The following FRMD5 variants were observed in gnomAD, a reference collection of about 807,000 sequenced individuals.
FRMD5 encodes FERM domain containing 5.
A neutral mutation model predicts 69.0 loss-of-function variants in FRMD5; 20 were observed. The ratio of observed to expected loss-of-function variants is 0.29; its 90% CI spans 0.20 to 0.42. The LOEUF is 0.42. Ranked by LOEUF, FRMD5 falls within the 10% of genes least tolerant of loss-of-function variation. The probability of loss-of-function intolerance (pLI) is 1.00; values close to 1 mark genes in which losing one functional copy is unlikely to be tolerated. For synonymous variants in FRMD5, 271 were observed against 260.1 expected, an observed-to-expected ratio of 1.04 and a Z score of -0.40; for missense variants, 595 against 708.6, an observed-to-expected ratio of 0.84 and a Z score of 1.82.
chr15:44,089,414 T>C (rs1473841137), intron 1 of FRMD5, among the ~76,000 whole-genome samples: 1 of 151,936 alleles, frequency 6.6e-6, no homozygotes, highest in African/African-American at 2.4e-5. Context: ...CTTTAAAAAG[T>C]TTTTCAGGGC....
chr15:44,037,125 A>G (rs1037673524), intron 1 of FRMD5, among the ~76,000 whole-genome samples: 2 of 151,910 alleles, frequency 1.3e-5, no homozygotes, highest in African/African-American at 4.8e-5. Context: ...TCCTAATGCT[A>G]TCCCTCCCCT....
chr15:44,150,674 G>A (rs2077430064), intron 1 of FRMD5, among the ~76,000 whole-genome samples: 1 of 150,872 alleles, frequency 6.6e-6, no homozygotes, highest in African/African-American at 2.4e-5. Flanking sequence ...TATGCCTGTG[G>A]TCCCAGCTAC....
At chr15:43,890,208 C>T (rs1411572931) in intron 8 of FRMD5, among the ~76,000 whole-genome samples, 1 of 152,168 alleles carries the variant, frequency 6.6e-6, no homozygotes. Context: ...CACAGATCAC[C>T]TAGGTTCCAA....
chr15:44,098,072 C>A (rs1459822819), intron 1 of FRMD5, among the ~76,000 whole-genome samples: 1 of 142,026 alleles, frequency 7.0e-6, no homozygotes, highest in African/African-American at 2.6e-5. Flanking sequence ...CCTAAAGCAG[C>A]CAGAAAGTAA....
chr15:44,016,758 C>T (rs1185274540), intron 1 of FRMD5, among the ~76,000 whole-genome samples: 3 of 151,368 alleles, frequency 2.0e-5, no homozygotes, highest in South Asian at 2.1e-4. Flanking sequence ...GACTTGGGTT[C>T]GAGTCTAGCT....
intron 4 of FRMD5, among the ~76,000 whole-genome samples, chr15:43,915,785 T>A (rs550363604): frequency 2.6e-5 from 4 of 152,188 alleles, no homozygotes; most frequent in Non-Finnish European, 5.9e-5. Context: ...AGCCTGGCTT[T>A]ATGGGAATGG....
intron 1 of FRMD5, among the ~76,000 whole-genome samples, chr15:43,954,496 T>C (rs2090084299): frequency 6.6e-6 from 1 of 152,120 alleles, no homozygotes; most frequent in Non-Finnish European, 1.5e-5. Context: ...CAAAGTAAGA[T>C]GAGTAATAGT....
intron 1 of FRMD5, among the ~76,000 whole-genome samples, chr15:43,959,307 C>G (rs1354181458): frequency 6.6e-6 from 1 of 152,126 alleles, no homozygotes; most frequent in Non-Finnish European, 1.5e-5. Flanking sequence ...AATAAAGAGC[C>G]TTTTAGGTTT....
intron 1 of FRMD5, among the ~76,000 whole-genome samples, chr15:43,933,641 C>T (rs2089711859): frequency 6.6e-6 from 1 of 152,220 alleles, no homozygotes; most frequent in Non-Finnish European, 1.5e-5. Context: ...TAACCTTCCA[C>T]GTTTTCATAT....
At chr15:44,189,944 T>C (rs1237566959) in intron 1 of FRMD5, among the ~76,000 whole-genome samples, 2 of 152,186 alleles carry the variant, frequency 1.3e-5, no homozygotes, top group Non-Finnish European at 2.9e-5. Context: ...GGAGATGCTT[T>C]AGTACCCTTC....
In FRMD5 at chr15:44,167,817, C is replaced by A. The variant is rs149419677; in HGVS notation, c.102+27136G>T. Among the ~76,000 whole-genome samples, 760 of 152,298 alleles carry A rather than the reference C, an allele frequency of 5.0e-3. 5 individuals are homozygous for A. The highest frequency in any genetic ancestry group is 0.017 in the African/African-American group (726 of 41,576). ...TGTTGGCCAGGCTGATCTCGAACTC[C>A]TGACCTTAGGTGATCCACCTGCCTC... On this transcript the variant is annotated intron_variant, in intron 1 of 13. Transcript: ENST00000417257.
At chr15:44,029,826 G>A (rs1402849624) in intron 1 of FRMD5, among the ~76,000 whole-genome samples, 4 of 152,218 alleles carry the variant, frequency 2.6e-5, no homozygotes, top group East Asian at 1.9e-4. Context: ...TTTTAGTAAC[G>A]TCTCAGGTGA....
chr15:43,935,899 G>C (rs1242280399), intron 1 of FRMD5, among the ~76,000 whole-genome samples: 1 of 152,218 alleles, frequency 6.6e-6, no homozygotes, highest in East Asian at 1.9e-4. Context: ...TCAATTCAGT[G>C]TGTATCTACT....
intron 1 of FRMD5, among the ~76,000 whole-genome samples, chr15:44,084,715 T>C (rs1003125098): frequency 2.6e-5 from 4 of 151,032 alleles, no homozygotes; most frequent in Admixed American, 6.6e-5. Context: ...ATTGTACACT[T>C]TAAATTTAAA....
chr15:43,921,923 G>A lies in FRMD5; in HGVS notation c.208-2114C>T, dbSNP rs577278820. Among the ~76,000 whole-genome samples, 13 of 152,322 alleles carry A rather than the reference G, an allele frequency of 8.5e-5. No individual in the cohort carries two copies. The South Asian group carries it at 2.5e-3, about 29-fold the overall frequency. On this transcript the variant is annotated intron_variant, in intron 2 of 13. Transcript: ENST00000417257. ...GAGCAAGGACTGACATCGGATGGATGTAAGTGCTGGGTTCAGACTGTCTTG... is the reference window on the plus strand; with the variant it reads ...GAGCAAGGACTGACATCGGATGGATATAAGTGCTGGGTTCAGACTGTCTTG...
In FRMD5 at chr15:43,873,317, C is replaced by CTTTT; in HGVS notation, c.*564_*567dup. 2 of 1,506,670 alleles carry CTTTT rather than the reference C, an allele frequency of 1.3e-6. No individual in the cohort carries two copies. The highest frequency in any genetic ancestry group is 4.9e-5 in the East Asian group (2 of 40,516). 93.3% of individuals were successfully genotyped at this position (1,506,670 alleles called of 1,614,324 possible). A position where few individuals can be genotyped will look rare whatever the true frequency, so the allele number is the denominator to read the frequency against. On this transcript the variant is annotated 3_prime_UTR_variant, in exon 14 of 14. Transcript: ENST00000417257. ...TTTAATCATTCTACATGGATGTTTA[C>CTTTT]TTTTTTAAAAGTTCTGGCTGGCAAA...
chr15:44,140,136 T>C (rs2077247330), intron 1 of FRMD5, among the ~76,000 whole-genome samples: 1 of 152,038 alleles, frequency 6.6e-6, no homozygotes, highest in Non-Finnish European at 1.5e-5. Flanking sequence ...AAAAAGAATA[T>C]ACAGTGGCTT....
intron 1 of FRMD5, among the ~76,000 whole-genome samples, chr15:43,975,675 T>C (rs1025856250): frequency 2.0e-5 from 3 of 152,190 alleles, no homozygotes; most frequent in Non-Finnish European, 4.4e-5. Flanking sequence ...AGATTCAAAA[T>C]TGTTAACATG....
rs149820099 is a variant in FRMD5 at position 44,161,577 on chromosome 15, G to A, written c.102+33376C>T. ...AATAAAATACAATAATTTGACACAT[G>A]CTCAATGTGTAATCATTGTTGTGAT... is the stretch of plus-strand genomic sequence containing the variant. On this transcript the variant is annotated intron_variant, in intron 1 of 13. Transcript: ENST00000417257. 9.5e-4 allele frequency among the ~76,000 whole-genome samples: 144 copies of A among 152,278 alleles called. 2 individuals carry two copies. The highest frequency in any genetic ancestry group is 4.4e-3 in the South Asian group (21 of 4,822).
Sources: allele counts gnomAD v4.1 joint callset (sites outside exome capture counted in the v4.1 genomes callset), GRCh38; gene constraint gnomAD v4.1.1; transcripts MANE v1.5; gene names NCBI Gene and HGNC (gene_info 2026-07-23, HGNC 2026-07-21).